Variants in OVCH1 observed in about 807,000 individuals in gnomAD.
OVCH1 encodes ovochymase-1.
Under a neutral mutation model 138.4 loss-of-function variants are expected in OVCH1, and 139 were observed. The ratio of observed to expected loss-of-function variants is 1.00; its 90% CI spans 0.87 to 1.16. The LOEUF (loss-of-function observed/expected upper bound fraction) is 1.16. Ranked by LOEUF, OVCH1 falls within the 50% of genes most tolerant of loss-of-function variation. OVCH1 has a pLI of 0.00. For synonymous variants in OVCH1, 453 were observed against 467.8 expected, an observed-to-expected ratio of 0.97 and a Z score of 0.41; for missense variants, 1,367 against 1,357.9, an observed-to-expected ratio of 1.01 and a Z score of -0.11.
chr12:29,446,112 C>T (rs1419236551), intron 22 of OVCH1, among the ~76,000 whole-genome samples: 1 of 152,012 alleles, frequency 6.6e-6, no homozygotes, highest in Non-Finnish European at 1.5e-5. Flanking sequence ...TTTAAGATAG[C>T]ATATATTTTA....
At position 29,484,801 on chromosome 12, in the gene OVCH1, C is replaced by A. The variant is rs1943042455; in HGVS notation, c.995+1445G>T. 6.6e-6 allele frequency among the ~76,000 whole-genome samples: 1 copy of A among 152,128 alleles called. No homozygotes were observed. The highest frequency in any genetic ancestry group is 1.5e-5 in the Non-Finnish European group (1 of 68,014). On this transcript the variant is annotated intron_variant, in intron 8 of 27. Coordinates refer to ENST00000318184, the Ensembl canonical transcript of OVCH1. ...AACACTGTCCCCTGAGGTTTACAAT[C>A]TTCAAAAACATGGGAAAAAGCCGAT...
Position 29,496,554 on chromosome 12 carries a change from A to G in OVCH1, c.183+2T>C. 6.3e-7 allele frequency: 1 copy of G among 1,588,358 alleles called. No individual in the cohort carries two copies. The highest frequency in any genetic ancestry group is 8.6e-7 in the Non-Finnish European group (1 of 1,158,544). On this transcript the variant is annotated splice_donor_variant, in intron 2 of 27. Transcript: ENST00000318184. LOFTEE classifies it high-confidence loss of function. ...AGAAATCAATGCCTTTGTTGCACTGACCTGCCATGGATGTCCAGTCACTGT... is the reference window on the plus strand; with the variant it reads ...AGAAATCAATGCCTTTGTTGCACTGGCCTGCCATGGATGTCCAGTCACTGT...
chr12:29,454,994 G>T lies in OVCH1; in HGVS notation c.2438-61C>A, dbSNP rs577658934. On this transcript the variant is annotated intron_variant, in intron 20 of 27. Transcript: ENST00000318184. ...AAAGCCTGAGAACAAAATATAGTGGGCACTAAAGCAGCCACTATCAAAAGA... is the reference window on the plus strand; with the variant it reads ...AAAGCCTGAGAACAAAATATAGTGGTCACTAAAGCAGCCACTATCAAAAGA... 13 of 1,377,384 alleles carry T rather than the reference G, an allele frequency of 9.4e-6. No homozygotes were observed. In the East Asian group the frequency reaches 9.6e-5, roughly 10 times the overall value. The allele number at this position is 1,377,384 out of a possible 1,614,324, so 85.3% of individuals were successfully genotyped here.
At chr12:29,405,053 AAAAC>A in the OVCH1 span, among the ~76,000 whole-genome samples, 1,212 of 124,688 alleles carry the variant, frequency 9.7e-3, 88 homozygotes, top group Admixed American at 0.016. Context: ...AAAAAAAAAA[AAAAC>A]AAAAGAAATG....
intron 21 of OVCH1, among the ~76,000 whole-genome samples, chr12:29,453,902 C>A (rs1039958003): frequency 1.3e-5 from 2 of 152,134 alleles, no homozygotes; most frequent in Admixed American, 1.3e-4. Flanking sequence ...TGCTACCCAG[C>A]AATCCTACTA....
chr12:29,457,760 C>T (rs903658899), intron 19 of OVCH1, among the ~76,000 whole-genome samples: 5 of 151,722 alleles, frequency 3.3e-5, no homozygotes, highest in South Asian at 2.1e-4. Flanking sequence ...CCAGACATAC[C>T]GAGTAAGACA....
chr12:29,472,540 C>CA (rs950637976), intron 15 of OVCH1, among the ~76,000 whole-genome samples: 2 of 152,174 alleles, frequency 1.3e-5, no homozygotes, highest in Non-Finnish European at 2.9e-5. Context: ...AACCCTCCAG[C>CA]AACAGGCAGA....
chr12:29,478,096 G>T (rs1329574412), intron 9 of OVCH1, among the ~76,000 whole-genome samples: 1 of 152,084 alleles, frequency 6.6e-6, no homozygotes, highest in Non-Finnish European at 1.5e-5. Flanking sequence ...AGAGATCCAG[G>T]TCTATACCAG....
intron 16 of OVCH1, among the ~76,000 whole-genome samples, chr12:29,465,576 T>G (rs1942287352): frequency 6.6e-6 from 1 of 152,080 alleles, no homozygotes; most frequent in Non-Finnish European, 1.5e-5. Context: ...TCTACTAACA[T>G]GCACTGCTCA....
At chr12:29,403,913 G>A in the OVCH1 span, among the ~76,000 whole-genome samples, 1 of 152,122 alleles carries the variant, frequency 6.6e-6, no homozygotes. Flanking sequence ...AAAATATACA[G>A]CATACACATG....
At chr12:29,468,567 C>T (rs569229902) in intron 16 of OVCH1, among the ~76,000 whole-genome samples, 45 of 152,198 alleles carry the variant, frequency 3.0e-4, no homozygotes, top group African/African-American at 1.1e-3. Flanking sequence ...GTACTCAATA[C>T]TAATATTTTC....
chr12:29,460,244 A>G (rs1942084444), intron 19 of OVCH1, among the ~76,000 whole-genome samples: 1 of 152,192 alleles, frequency 6.6e-6, no homozygotes, highest in South Asian at 2.1e-4. Context: ...TTCCGCACAA[A>G]ATAAGCTCAC....
chr12:29,492,893 C>T (rs575188455), intron 4 of OVCH1, among the ~76,000 whole-genome samples: 7 of 151,966 alleles, frequency 4.6e-5, no homozygotes, highest in South Asian at 2.1e-4. Context: ...AATGGATTCC[C>T]GGAATTCAAG....
chr12:29,433,149 AT>A (rs1035157280), intron 27 of OVCH1, among the ~76,000 whole-genome samples: 1 of 151,970 alleles, frequency 6.6e-6, no homozygotes, highest in African/African-American at 2.4e-5. Flanking sequence ...TGCACACTGT[AT>A]TTTTTTCTTT....
intron 21 of OVCH1, among the ~76,000 whole-genome samples, chr12:29,454,543 A>T (rs1194131008): frequency 1.3e-5 from 2 of 152,198 alleles, no homozygotes; most frequent in East Asian, 3.9e-4. Flanking sequence ...ACTTGCATAT[A>T]GAAGGACTTT....
At chr12:29,460,786 A>G (rs1428347059) in intron 19 of OVCH1, among the ~76,000 whole-genome samples, 1 of 151,618 alleles carries the variant, frequency 6.6e-6, no homozygotes, top group Non-Finnish European at 1.5e-5. Flanking sequence ...TCCCTTTCCT[A>G]CTGGTGATAT....
intron 15 of OVCH1, 92 bp from the exon 16 acceptor site, chr12:29,472,074 T>C: frequency 8.0e-7 from 1 of 1,253,948 alleles, no homozygotes; most frequent in Non-Finnish European, 1.1e-6. Flanking sequence ...GTAGTGATTC[T>C]CAAACATCAG....
At chr12:29,423,107 A>G (rs1941127523), downstream of OVCH1, 1 of 402,458 alleles carries the variant, frequency 2.5e-6, no homozygotes, top group Non-Finnish European at 4.9e-6. Flanking sequence ...TTTAATAAAC[A>G]TTTTAATGCA....
intron 16 of OVCH1, among the ~76,000 whole-genome samples, chr12:29,469,805 T>A (rs925570243): frequency 6.6e-6 from 1 of 151,894 alleles, no homozygotes; most frequent in Non-Finnish European, 1.5e-5. Flanking sequence ...GCCCCACAGG[T>A]AAGACTAAAG....
Sources: gnomAD v4.1 joint callset for allele counts (sites outside exome capture counted in the v4.1 genomes callset) on GRCh38, gnomAD v4.1.1 for gene constraint, MANE v1.5 for transcripts, NCBI Gene and HGNC (gene_info 2026-07-23, HGNC 2026-07-21) for gene names.